ARNT2: variants seen among roughly 807,000 people sequenced by gnomAD.
ARNT2 encodes the protein aryl hydrocarbon receptor nuclear translocator 2, also known as ARNT protein 2.
ARNT2 carries 36 observed loss-of-function variants against 91.7 expected under a neutral mutation model. The ratio of observed to expected loss-of-function variants is 0.39; its 90% CI spans 0.30 to 0.52. ARNT2 has a LOEUF of 0.52. Ranked by LOEUF, ARNT2 falls within the 20% of genes least tolerant of loss-of-function variation. The pLI, the probability that ARNT2 is intolerant of heterozygous loss-of-function variation, is 0.72. For missense variants in ARNT2, 775 were observed against 939.3 expected (o/e 0.83, Z 2.29); for synonymous variants, 365 against 347.1 (o/e 1.05, Z -0.57).
At chr15:80,558,339 T>C (rs938936840) in intron 11 of ARNT2, among the ~76,000 whole-genome samples, 4 of 148,220 alleles carry the variant, frequency 2.7e-5, no homozygotes, top group Non-Finnish European at 4.5e-5. Context: ...TGTGCTTTTT[T>C]TTTTTTTTTT....
At position 80,580,569 on chromosome 15, in the gene ARNT2, C is replaced by A; in HGVS notation, c.1752+20C>A. ...GGACAGGTATGGGCATCTGTGAGGG[C>A]ATCTCCCCTGGGTGACCAGAGAGGC... On this transcript the variant is annotated intron_variant, in intron 16 of 18. Coordinates refer to ENST00000303329, the MANE Select transcript of ARNT2 (RefSeq NM_014862.4). 6.2e-7 allele frequency: 1 copy of A among 1,613,458 alleles called. No individual in the cohort carries two copies. Among genetic ancestry groups the A allele is most frequent in the South Asian group, 1.1e-5 (1 of 91,044 alleles).
intron 8 of ARNT2, among the ~76,000 whole-genome samples, chr15:80,529,951 T>G (rs1897708706): frequency 6.6e-6 from 1 of 152,254 alleles, no homozygotes; most frequent in Non-Finnish European, 1.5e-5. Flanking sequence ...GCATAAATAT[T>G]ATGTCCTCTT....
chr15:80,467,263 G>A (rs1321956465), intron 3 of ARNT2, among the ~76,000 whole-genome samples: 3 of 152,224 alleles, frequency 2.0e-5, no homozygotes, highest in African/African-American at 7.2e-5. Context: ...GCAGGCAGTC[G>A]GCATGGACTG....
At chr15:80,526,241 GT>G (rs1897638362) in intron 8 of ARNT2, among the ~76,000 whole-genome samples, 1 of 152,176 alleles carries the variant, frequency 6.6e-6, no homozygotes, top group Non-Finnish European at 1.5e-5. Context: ...AAAAGGAAGA[GT>G]TCTAAAGTCA....
intron 1 of ARNT2, among the ~76,000 whole-genome samples, chr15:80,408,009 T>C (rs1895625563): frequency 6.6e-6 from 1 of 152,222 alleles, no homozygotes; most frequent in Non-Finnish European, 1.5e-5. Context: ...CTCATATGTT[T>C]TAAAGGATTT....
At chr15:80,438,365 G>T (rs554476906) in intron 1 of ARNT2, among the ~76,000 whole-genome samples, 2 of 152,096 alleles carry the variant, frequency 1.3e-5, no homozygotes, top group Non-Finnish European at 2.9e-5. Context: ...TGATATGGGA[G>T]GTTTTTTCCC....
chr15:80,549,891 T>C (rs528571452), intron 8 of ARNT2, among the ~76,000 whole-genome samples: 18 of 152,346 alleles, frequency 1.2e-4, no homozygotes, highest in Non-Finnish European at 2.1e-4. Flanking sequence ...AAAACACATA[T>C]GCACAAGGTT....
chr15:80,446,627 G>A (rs1381963843), intron 1 of ARNT2, among the ~76,000 whole-genome samples: 4 of 152,184 alleles, frequency 2.6e-5, no homozygotes, highest in African/African-American at 9.7e-5. Context: ...CATGTTACAG[G>A]GTACAGGGCT....
At chr15:80,477,545 C>T (rs1222936512) in intron 5 of ARNT2, among the ~76,000 whole-genome samples, 3 of 152,160 alleles carry the variant, frequency 2.0e-5, no homozygotes, top group East Asian at 3.8e-4. Flanking sequence ...TCCCCTAAGG[C>T]CCTTCTCCTT....
rs569328968 is a variant in ARNT2, at chr15:80,569,209, A to G, written c.1317-4939A>G. On this transcript the variant is annotated intron_variant, in intron 12 of 18. Coordinates refer to ENST00000303329, the MANE Select transcript of ARNT2 (RefSeq NM_014862.4). ...TCAGGCTGAGTAAAAACCCCTGTCCAGGGAGCATCAGGGAAAATTGACAGC... is the reference window on the plus strand; with the variant it reads ...TCAGGCTGAGTAAAAACCCCTGTCCGGGGAGCATCAGGGAAAATTGACAGC... Among the ~76,000 whole-genome samples the G allele has an allele frequency of 3.9e-4, 59 of 152,264 alleles. 1 individual carries two copies. In the South Asian group the frequency reaches 7.9e-3, roughly 20 times the overall value.
Position 80,470,432 on chromosome 15 carries a change from G to GTAC in ARNT2, c.408+2_408+4dup, listed in dbSNP as rs1318223345. ...CAAGCCTTCCTTCCTCACAGAGCAG[G>GTAC]TACCCTGGTCATCACATCACCATTG... On this transcript the variant is annotated splice_donor_variant, in intron 4 of 18. Coordinates refer to ENST00000303329, the MANE Select transcript of ARNT2 (RefSeq NM_014862.4). LOFTEE classifies it high-confidence loss of function. The GTAC allele has an allele frequency of 1.2e-6, 2 of 1,613,810 alleles. 1 individual carries two copies. Among genetic ancestry groups the GTAC allele is most frequent in the East Asian group, 4.5e-5 (2 of 44,880 alleles).
At chr15:80,511,755 G>T (rs1897346227) in intron 6 of ARNT2, among the ~76,000 whole-genome samples, 1 of 152,120 alleles carries the variant, frequency 6.6e-6, no homozygotes, top group Non-Finnish European at 1.5e-5. Context: ...TGCCTCAGGG[G>T]GTTGGGGAAG....
intron 8 of ARNT2, among the ~76,000 whole-genome samples, chr15:80,547,012 G>A (rs183362584): frequency 4.8e-4 from 73 of 151,582 alleles, no homozygotes; most frequent in African/African-American, 1.7e-3. Flanking sequence ...GAAAGAAATA[G>A]AGGCAATGGA....
chr15:80,475,914 C>A (rs1218582297), intron 5 of ARNT2, among the ~76,000 whole-genome samples: 1 of 152,194 alleles, frequency 6.6e-6, no homozygotes, highest in Non-Finnish European at 1.5e-5. Flanking sequence ...ATAGTCAATT[C>A]TACTCATACA....
At chr15:80,575,207 G>A (rs1898653247) in intron 14 of ARNT2, 97 bp downstream of exon 14, 1 of 1,503,232 alleles carries the variant, frequency 6.7e-7, no homozygotes, top group Non-Finnish European at 9.1e-7. Flanking sequence ...GGGGGCCACG[G>A]AAGGTGAGTT....
intron 1 of ARNT2, among the ~76,000 whole-genome samples, chr15:80,408,975 C>T (rs915788278): frequency 2.6e-5 from 4 of 152,138 alleles, no homozygotes; most frequent in Non-Finnish European, 5.9e-5. Flanking sequence ...AGAGATTCCT[C>T]ATATATCCCC....
intron 6 of ARNT2, among the ~76,000 whole-genome samples, chr15:80,512,290 T>C (rs1897354450): frequency 6.6e-6 from 1 of 152,232 alleles, no homozygotes; most frequent in Admixed American, 6.5e-5. Context: ...TGTTCTGTTT[T>C]ACGAGAAATG....
intron 1 of ARNT2, among the ~76,000 whole-genome samples, chr15:80,439,277 TATGCTGTAG>T: frequency 6.6e-6 from 1 of 152,310 alleles, no homozygotes. Flanking sequence ...TTGATGTTGT[TATGCTGTAG>T]ACGTAGAGAT....
At chr15:80,592,531 C>A (rs567508749) in intron 18 of ARNT2, among the ~76,000 whole-genome samples, 3 of 152,336 alleles carry the variant, frequency 2.0e-5, no homozygotes, top group Admixed American at 6.5e-5. Context: ...AGGATTGCAA[C>A]CCCTCCTTCT....
Sources: allele counts gnomAD v4.1 joint callset (sites outside exome capture counted in the v4.1 genomes callset), GRCh38; gene constraint gnomAD v4.1.1; transcripts MANE v1.5; gene names NCBI Gene and HGNC (gene_info 2026-07-23, HGNC 2026-07-21).